Variants in EPC2 observed in about 807,000 individuals in gnomAD.
EPC2 encodes the protein enhancer of polycomb 2.
EPC2 carries 14 observed loss-of-function variants against 92.1 expected under a neutral mutation model. The observed-to-expected ratio is 0.15, with a 90% CI of 0.10 to 0.24. The LOEUF (loss-of-function observed/expected upper bound fraction) is 0.24. Among genes scored for constraint, EPC2 ranks in the 10% least tolerant of loss-of-function variants. EPC2 has a pLI of 1.00. For synonymous variants in EPC2, 340 were observed against 334.7 expected (o/e 1.02, Z -0.17); for missense variants, 755 against 971.5 (o/e 0.78, Z 2.96).
intron 2 of EPC2, among the ~76,000 whole-genome samples, chr2:148,728,729 C>CTTT (rs753807146): frequency 6.9e-6 from 1 of 144,182 alleles, no homozygotes; most frequent in East Asian, 2.0e-4. Flanking sequence ...GGCCTTTCCT[C>CTTT]TTTTTTTTTT....
chr2:148,771,474 AT>A (rs1197918977), intron 10 of EPC2, 87 bp downstream of exon 10: 21 of 1,283,308 alleles, frequency 1.6e-5, no homozygotes, highest in Non-Finnish European at 2.1e-5. Flanking sequence ...AACCTACTTA[AT>A]TTTTTTTCCA....
At chr2:148,652,955 T>C (rs1459231697) in intron 1 of EPC2, among the ~76,000 whole-genome samples, 1 of 152,192 alleles carries the variant, frequency 6.6e-6, no homozygotes, top group African/African-American at 2.4e-5. Context: ...CTTTACCACT[T>C]GAGTTTATTT....
At chr2:148,721,029 A>C (rs1682362104) in intron 2 of EPC2, among the ~76,000 whole-genome samples, 1 of 152,158 alleles carries the variant, frequency 6.6e-6, no homozygotes, top group Admixed American at 6.5e-5. Context: ...ATAATTGAAT[A>C]TATTGTTCCT....
chr2:148,732,299 C>T (rs1187227415), intron 2 of EPC2, among the ~76,000 whole-genome samples: 1 of 152,150 alleles, frequency 6.6e-6, no homozygotes, highest in East Asian at 1.9e-4. Flanking sequence ...TGCATTTTCT[C>T]CTGATGCCGT....
chr2:148,683,469 T>C (rs937803465), intron 1 of EPC2, among the ~76,000 whole-genome samples: 4 of 152,126 alleles, frequency 2.6e-5, no homozygotes, highest in Admixed American at 2.6e-4. Context: ...GGTTTCACCA[T>C]GTTAGCCAGG....
At chr2:148,675,077 T>C (rs1681235384) in intron 1 of EPC2, among the ~76,000 whole-genome samples, 1 of 152,242 alleles carries the variant, frequency 6.6e-6, no homozygotes, top group Non-Finnish European at 1.5e-5. Flanking sequence ...TCTTACTCAT[T>C]TTATTTCTCT....
At chr2:148,777,041 G>A (rs949242994) in intron 10 of EPC2, among the ~76,000 whole-genome samples, 1 of 151,592 alleles carries the variant, frequency 6.6e-6, no homozygotes, top group African/African-American at 2.4e-5. Flanking sequence ...TTTATTTTTA[G>A]GAGAGACGGG....
chr2:148,691,941 G>T lies in EPC2; in HGVS notation c.313+1568G>T, dbSNP rs146096989. The T allele has an allele frequency of 1.7e-5, 7 of 407,848 alleles. No homozygotes were observed. In the Admixed American group the frequency reaches 2.1e-4, roughly 12 times the overall value. 25.3% of individuals were successfully genotyped at this position (407,848 alleles called of 1,614,324 possible). On this transcript the variant is annotated intron_variant, in intron 2 of 13. Coordinates refer to ENST00000258484, the MANE Select transcript of EPC2 (RefSeq NM_015630.4). The stretch of plus-strand genomic sequence containing the variant: ...GCATAAAGCTTTTTTCTTTCTTATG[G>T]TATATATAGTAATGTTGTGTCTTTT...
At chr2:148,781,524 C>A in intron 10 of EPC2, 120 bp from the exon 11 acceptor site, 1 of 918,022 alleles carries the variant, frequency 1.1e-6, no homozygotes, top group Non-Finnish European at 1.6e-6. Context: ...TCTGATATTC[C>A]ATATTGTAAT....
chr2:148,781,846 TAGTCAAGTCAC>T lies in EPC2; in HGVS notation c.1857+69_1857+79del. On this transcript the variant is annotated intron_variant, in intron 11 of 13. Transcript: ENST00000258484. ...ATCATTATGTAGTTTTATTCCATTT[TAGTCAAGTCAC>T]AGAAGATAATCTTGGTTTTGCCACT... 3 of 1,580,074 alleles carry T rather than the reference TAGTCAAGTCAC, an allele frequency of 1.9e-6. No individual in the cohort carries two copies. The South Asian group carries it at 3.4e-5, about 18-fold the overall frequency.
chr2:148,733,613 T>G (rs577265229), intron 2 of EPC2, among the ~76,000 whole-genome samples: 123 of 145,992 alleles, frequency 8.4e-4, no homozygotes, highest in African/African-American at 2.8e-3. Flanking sequence ...TCCTCCCAGC[T>G]CAGCCTCCCG....
intron 3 of EPC2, among the ~76,000 whole-genome samples, chr2:148,749,338 G>A (rs1683043316): frequency 1.3e-5 from 2 of 152,216 alleles, no homozygotes; most frequent in South Asian, 2.1e-4. Flanking sequence ...TGAAGGTGTA[G>A]AACTATCCAG....
intron 2 of EPC2, among the ~76,000 whole-genome samples, chr2:148,699,122 T>C (rs1681821871): frequency 6.6e-6 from 1 of 152,252 alleles, no homozygotes. Context: ...AAATATGAAT[T>C]TGTATGTCAA....
intron 2 of EPC2, among the ~76,000 whole-genome samples, chr2:148,707,086 C>T (rs950033538): frequency 1.3e-5 from 2 of 152,094 alleles, no homozygotes; most frequent in Non-Finnish European, 2.9e-5. Context: ...CATCAGTGTG[C>T]TGTATTCAGG....
At chr2:148,692,693 T>C (rs1183854092) in intron 2 of EPC2, 1 of 152,232 alleles carries the variant, frequency 6.6e-6, no homozygotes, top group Non-Finnish European at 1.5e-5. Flanking sequence ...TAAGCCAAAG[T>C]ATCAATTATT....
At chr2:148,733,563 T>C (rs186171121) in intron 2 of EPC2, among the ~76,000 whole-genome samples, 176 of 132,188 alleles carry the variant, frequency 1.3e-3, no homozygotes, top group Middle Eastern at 0.013. Context: ...AGTGCCGCCA[T>C]CATAGCTCAC....
chr2:148,741,727 T>C (rs759711335), intron 2 of EPC2, among the ~76,000 whole-genome samples: 1 of 152,184 alleles, frequency 6.6e-6, no homozygotes, highest in Non-Finnish European at 1.5e-5. Context: ...TTTCAACACA[T>C]AATTTGTGGC....
chr2:148,656,924 T>A (rs756788904), intron 1 of EPC2, among the ~76,000 whole-genome samples: 1 of 152,234 alleles, frequency 6.6e-6, no homozygotes, highest in Non-Finnish European at 1.5e-5. Flanking sequence ...AATAGCTAAT[T>A]GACTATAATG....
chr2:148,651,363 A>G (rs141907497), intron 1 of EPC2, among the ~76,000 whole-genome samples: 1 of 152,324 alleles, frequency 6.6e-6, no homozygotes, highest in African/African-American at 2.4e-5. Flanking sequence ...TCGTTCGGAC[A>G]TGCAGACATC....
Sources: allele counts gnomAD v4.1 joint callset (sites outside exome capture counted in the v4.1 genomes callset), GRCh38; gene constraint gnomAD v4.1.1; transcripts MANE v1.5; gene names NCBI Gene and HGNC (gene_info 2026-07-23, HGNC 2026-07-21).